The following DRG1 variants were observed in gnomAD, a reference collection of about 807,000 sequenced individuals.
DRG1 encodes the protein developmentally regulated GTP binding protein 1, also known as developmentally-regulated GTP-binding protein 1.
A neutral mutation model predicts 38.8 loss-of-function variants in DRG1; 19 were observed. The observed-to-expected ratio is 0.49, with a 90% CI of 0.34 to 0.72. The LOEUF (loss-of-function observed/expected upper bound fraction) is 0.72, where lower values mean the gene tolerates loss of function less well. Among genes scored for constraint, DRG1 ranks in the 30% least tolerant of loss-of-function variants. The pLI, the probability that DRG1 is intolerant of heterozygous loss-of-function variation, is 0.01. For synonymous variants in DRG1, 167 were observed against 157.5 expected, an observed-to-expected ratio of 1.06 and a Z score of -0.45; for missense variants, 299 against 444.8, an observed-to-expected ratio of 0.67 and a Z score of 2.95.
At chr22:31,412,260 G>A (rs1420462191) in intron 4 of DRG1, among the ~76,000 whole-genome samples, 1 of 150,676 alleles carries the variant, frequency 6.6e-6, no homozygotes, top group Non-Finnish European at 1.5e-5. Flanking sequence ...TGCCAACAGA[G>A]TGAGCCTCTG....
Position 31,426,458 on chromosome 22 carries a change from ACTTTTT to A in DRG1, c.714-144_714-139del, listed in dbSNP as rs774846361. On this transcript the variant is annotated intron_variant, in intron 6 of 8. Coordinates refer to ENST00000331457, the MANE Select transcript of DRG1 (RefSeq NM_004147.4). ...TCTGTTACTTTTCAACCCATAGTTCACTTTTTCTTTTTCTTTTTTCTTTTTCTGGCT... is the reference window on the plus strand; with the variant it reads ...TCTGTTACTTTTCAACCCATAGTTCACTTTTTCTTTTTTCTTTTTCTGGCT... The A allele has an allele frequency of 4.8e-4, 296 of 620,218 alleles. 1 individual carries two copies. The highest frequency in any genetic ancestry group is 8.1e-4 in the African/African-American group (44 of 54,190). 38.4% of individuals were successfully genotyped at this position (620,218 alleles called of 1,614,324 possible).
At chr22:31,428,949 G>A (rs1263752964) in intron 8 of DRG1, among the ~76,000 whole-genome samples, 1 of 152,092 alleles carries the variant, frequency 6.6e-6, no homozygotes, top group Admixed American at 6.6e-5. Context: ...ATACCTCACC[G>A]ATGATAATAT....
intron 3 of DRG1, 105 bp from the exon 4 acceptor site, chr22:31,410,907 C>T: frequency 8.5e-7 from 1 of 1,174,276 alleles, no homozygotes; most frequent in Admixed American, 2.1e-5. Context: ...GGATTTGGGT[C>T]TGATAAATTA....
At chr22:31,402,036 G>C (rs2049964325) in intron 2 of DRG1, among the ~76,000 whole-genome samples, 1 of 151,968 alleles carries the variant, frequency 6.6e-6, no homozygotes, top group African/African-American at 2.4e-5. Flanking sequence ...GGGTGACAGA[G>C]CTAGACTCTG....
At chr22:31,418,664 T>C (rs983385626) in intron 4 of DRG1, among the ~76,000 whole-genome samples, 5 of 151,038 alleles carry the variant, frequency 3.3e-5, no homozygotes, top group African/African-American at 1.2e-4. Context: ...TCCACTACCA[T>C]GGCCAGCTAA....
chr22:31,403,616 G>A (rs2049974638), intron 3 of DRG1, among the ~76,000 whole-genome samples: 1 of 152,160 alleles, frequency 6.6e-6, no homozygotes, highest in South Asian at 2.1e-4. Flanking sequence ...GGTGGGGGCT[G>A]GGACTACAGG....
chr22:31,419,289 C>T (rs376928330), intron 4 of DRG1, among the ~76,000 whole-genome samples: 7 of 151,406 alleles, frequency 4.6e-5, no homozygotes, highest in African/African-American at 1.7e-4. Context: ...GGCAATAGAG[C>T]GAGACTCTGT....
intron 3 of DRG1, among the ~76,000 whole-genome samples, chr22:31,408,860 CT>C (rs1284389133): frequency 4.0e-5 from 6 of 151,450 alleles, no homozygotes; most frequent in Non-Finnish European, 8.8e-5. Context: ...ACAGTAGACC[CT>C]TGGTATTTTT....
At chr22:31,410,739 C>T (rs1006488798) in intron 3 of DRG1, among the ~76,000 whole-genome samples, 3 of 151,486 alleles carry the variant, frequency 2.0e-5, no homozygotes, top group East Asian at 1.9e-4. Context: ...CCCTTGAACC[C>T]GAGAGGCAGA....
intron 2 of DRG1, among the ~76,000 whole-genome samples, chr22:31,402,087 T>C (rs571695737): frequency 1.1e-3 from 174 of 152,150 alleles, no homozygotes; most frequent in African/African-American, 4.1e-3. Context: ...AAAGTAGATT[T>C]ATATTGGCTT....
intron 3 of DRG1, among the ~76,000 whole-genome samples, chr22:31,403,977 CTTTTTTT>C (rs11295429): frequency 6.1e-5 from 5 of 81,802 alleles, no homozygotes; most frequent in East Asian, 4.3e-4. Context: ...AAGAGAATAA[CTTTTTTT>C]TTTTTTTTTT....
chr22:31,424,012 G>T (rs1404772031), intron 6 of DRG1, among the ~76,000 whole-genome samples: 1 of 151,408 alleles, frequency 6.6e-6, no homozygotes, highest in Non-Finnish European at 1.5e-5. Flanking sequence ...TTACAGGCCT[G>T]TGCCGCCACG....
chr22:31,433,864 C>T lies in DRG1; in HGVS notation c.1005-8C>T, dbSNP rs1165837778. ...TTACACTGACTGTTCTTTTTCCCTT[C>T]CATGCAGTGCTCTGGTCTGGGGTCT... On this transcript the variant is annotated splice_region_variant and splice_polypyrimidine_tract_variant and intron_variant, in intron 8 of 8. Transcript: ENST00000331457. The T allele has an allele frequency of 6.2e-7, 1 of 1,613,156 alleles. No individual in the cohort carries two copies. Among genetic ancestry groups the T allele is most frequent in the Non-Finnish European group, 8.5e-7 (1 of 1,179,326 alleles).
intron 4 of DRG1, among the ~76,000 whole-genome samples, chr22:31,419,592 A>G (rs964784228): frequency 3.9e-5 from 6 of 152,154 alleles, no homozygotes; most frequent in Non-Finnish European, 8.8e-5. Flanking sequence ...AGTGGGGAAG[A>G]TTGAAAGGAG....
At chr22:31,432,042 GTTT>G (rs34293725) in intron 8 of DRG1, among the ~76,000 whole-genome samples, 1 of 145,224 alleles carries the variant, frequency 6.9e-6, no homozygotes, top group East Asian at 2.0e-4. Flanking sequence ...TTATTTTACT[GTTT>G]TTTTTTTTTT....
At chr22:31,431,913 C>T (rs983706089) in intron 8 of DRG1, among the ~76,000 whole-genome samples, 2 of 152,030 alleles carry the variant, frequency 1.3e-5, no homozygotes, top group South Asian at 4.1e-4. Flanking sequence ...CTCTTTCCTT[C>T]TATGGTGGCA....
intron 6 of DRG1, among the ~76,000 whole-genome samples, chr22:31,424,300 C>T (rs2050095185): frequency 6.6e-6 from 1 of 151,658 alleles, no homozygotes; most frequent in African/African-American, 2.4e-5. Context: ...TACAGGTGTG[C>T]ACCACCATGC....
At chr22:31,405,556 A>T (rs1377976499) in intron 3 of DRG1, among the ~76,000 whole-genome samples, 2 of 151,834 alleles carry the variant, frequency 1.3e-5, no homozygotes, top group Non-Finnish European at 2.9e-5. Context: ...TCTCTTTCAG[A>T]TGATCTTTTT....
intron 4 of DRG1, among the ~76,000 whole-genome samples, chr22:31,414,298 A>C (rs1375354824): frequency 6.6e-6 from 1 of 152,134 alleles, no homozygotes; most frequent in Non-Finnish European, 1.5e-5. Context: ...CTGCCAACAT[A>C]TCTCTGCTTG....
Sources: allele counts gnomAD v4.1 joint callset (sites outside exome capture counted in the v4.1 genomes callset), GRCh38; gene constraint gnomAD v4.1.1; transcripts MANE v1.5; gene names NCBI Gene and HGNC (gene_info 2026-07-23, HGNC 2026-07-21).